The following FBXO25 variants were observed in gnomAD, a reference collection of about 807,000 sequenced individuals.
FBXO25 encodes the protein F-box only protein 25.
A neutral mutation model predicts 51.9 loss-of-function variants in FBXO25; 45 were observed. That is an observed-to-expected ratio of 0.87 (90% CI 0.68 to 1.11). The LOEUF is 1.11. Ranked by LOEUF, FBXO25 falls within the 50% of genes most tolerant of loss-of-function variation. FBXO25 has a pLI of 0.00. For synonymous variants in FBXO25, 199 were observed against 151.0 expected (o/e 1.32, Z -2.33); for missense variants, 507 against 428.5 (o/e 1.18, Z -1.62).
rs62483138 is a variant in FBXO25 at position 468,415 on chromosome 8, G to A, written c.988-300G>A. Among the ~76,000 whole-genome samples, 11 of 152,248 alleles carry A rather than the reference G, an allele frequency of 7.2e-5. No homozygotes were observed. In the South Asian group the frequency reaches 1.2e-3, roughly 17 times the overall value. Reference sequence around the variant, plus strand: ...CTTCTGTGGCCTTGTAGATTCCGGGGCAGTGCAGGGTGGTGTCAGCAGCTG... The same window carrying A: ...CTTCTGTGGCCTTGTAGATTCCGGGACAGTGCAGGGTGGTGTCAGCAGCTG... On this transcript the variant is annotated intron_variant, in intron 9 of 9. Transcript: ENST00000350302.
At chr8:433,525 A>G (rs1188372969) in intron 4 of FBXO25, among the ~76,000 whole-genome samples, 2 of 152,188 alleles carry the variant, frequency 1.3e-5, no homozygotes, top group Non-Finnish European at 2.9e-5. Context: ...GGGTTTGTGC[A>G]GAGCTGTGTG....
At chr8:442,764 C>G (rs577003968) in intron 5 of FBXO25, among the ~76,000 whole-genome samples, 1 of 152,200 alleles carries the variant, frequency 6.6e-6, no homozygotes, top group South Asian at 2.1e-4. Flanking sequence ...GCCACCCTGC[C>G]CAGCCTATTT....
chr8:423,968 T>C (rs530778606), intron 2 of FBXO25, among the ~76,000 whole-genome samples: 1 of 152,282 alleles, frequency 6.6e-6, no homozygotes, highest in South Asian at 2.1e-4. Context: ...GTCTTTGACT[T>C]TTTAGTAATG....
chr8:416,500 C>G (rs890588560), intron 2 of FBXO25, among the ~76,000 whole-genome samples: 3 of 152,170 alleles, frequency 2.0e-5, no homozygotes, highest in African/African-American at 4.8e-5. Context: ...GTGTGTTGCC[C>G]TTTGCCTGTT....
intron 2 of FBXO25, among the ~76,000 whole-genome samples, chr8:417,810 G>T (rs1456310405): frequency 6.6e-6 from 1 of 152,100 alleles, no homozygotes; most frequent in Non-Finnish European, 1.5e-5. Context: ...TATTTGTCCA[G>T]GCTTCCACTG....
rs778112370 is a variant in FBXO25 at position 476,822 on chromosome 8, ATAATC to A, written c.*8019_*8023del. On this transcript the variant is annotated 3_prime_UTR_variant, in exon 10 of 10. Coordinates refer to ENST00000350302, the MANE Select transcript of FBXO25 (RefSeq NM_183420.2). ...CTCTGCTCTAATCTTTATTATTATT[ATAATC>A]ATCTCCATTCTGCTGGCTTTGGGTT... 6.3e-5 allele frequency: 9 copies of A among 142,078 alleles called. No individual in the cohort carries two copies. The highest frequency in any genetic ancestry group is 1.1e-4 in the Non-Finnish European group (7 of 66,578). The allele number at this position is 142,078 out of a possible 1,614,324, so 8.8% of individuals were successfully genotyped here.
At chr8:436,186 C>T (rs971372716) in intron 5 of FBXO25, among the ~76,000 whole-genome samples, 4 of 152,084 alleles carry the variant, frequency 2.6e-5, no homozygotes, top group Middle Eastern at 3.2e-3. Context: ...ATTAATGATA[C>T]CCTTTTGGAA....
intron 2 of FBXO25, among the ~76,000 whole-genome samples, chr8:422,941 T>C (rs191930444): frequency 6.6e-6 from 1 of 152,270 alleles, no homozygotes; most frequent in Admixed American, 6.5e-5. Flanking sequence ...TCTATTCTGC[T>C]GTATATGAAT....
intron 1 of FBXO25, chr8:407,425 G>A (rs915236639): frequency 5.1e-6 from 5 of 985,012 alleles, no homozygotes; most frequent in Non-Finnish European, 3.6e-6. Flanking sequence ...GTGGGGTCTG[G>A]GGGCGGCCGG....
chr8:470,229 A>T lies in FBXO25; in HGVS notation c.*1425A>T, dbSNP rs964672629. On this transcript the variant is annotated 3_prime_UTR_variant, in exon 10 of 10. Coordinates refer to ENST00000350302, the MANE Select transcript of FBXO25 (RefSeq NM_183420.2). Reference sequence around the variant, plus strand: ...TGTCTCGCCGTTAGCATCAATAACTATGATAAGCATCGTCACACAACAATG... The same window carrying T: ...TGTCTCGCCGTTAGCATCAATAACTTTGATAAGCATCGTCACACAACAATG... The T allele has an allele frequency of 1.3e-5, 2 of 152,216 alleles. No homozygotes were observed. The highest frequency in any genetic ancestry group is 2.9e-5 in the Non-Finnish European group (2 of 68,028). The allele number at this position is 152,216 out of a possible 1,614,324, so 9.4% of individuals were successfully genotyped here. A position where few individuals can be genotyped will look rare whatever the true frequency, so the allele number is the denominator to read the frequency against.
At chr8:417,985 G>T (rs186468395) in intron 2 of FBXO25, among the ~76,000 whole-genome samples, 46 of 152,170 alleles carry the variant, frequency 3.0e-4, no homozygotes, top group African/African-American at 1.1e-3. Flanking sequence ...CTGTAATTTT[G>T]TACCAGTTTA....
chr8:469,068 A>C lies in FBXO25; in HGVS notation c.*264A>C, dbSNP rs79240478. On this transcript the variant is annotated 3_prime_UTR_variant, in exon 10 of 10. Transcript: ENST00000350302. ...GAAATTTTGCGTACTCTCTCTCTCTATATATATAGTTCAAAAATACTTTAG... is the reference window on the plus strand; with the variant it reads ...GAAATTTTGCGTACTCTCTCTCTCTCTATATATAGTTCAAAAATACTTTAG... 171 of 324,806 alleles carry C rather than the reference A, an allele frequency of 5.3e-4. No homozygotes were observed. The highest frequency in any genetic ancestry group is 2.5e-3 in the East Asian group (47 of 18,878). The allele number at this position is 324,806 out of a possible 1,614,324, so 20.1% of individuals were successfully genotyped here. A position where few individuals can be genotyped will look rare whatever the true frequency, so the allele number is the denominator to read the frequency against.
In FBXO25 at chr8:458,371, A is replaced by G; in HGVS notation, c.663A>G (p.Gln221=). The change falls in exon 8 of 10, where the codon CAA becomes CAG. Residue 221 remains glutamine (Q), a splice_region_variant and synonymous_variant. Transcript: ENST00000350302. ...QQLQDLQMTK[Q]VNNGLTLSDL... The stretch of plus-strand genomic sequence containing the variant: ...TTGCTGTTGTGTTTTCCTTTCAGCA[A>G]GTGAACAATGGCCTCACCCTCAGTG... 1 of 1,612,756 alleles carries G rather than the reference A, an allele frequency of 6.2e-7. No individual in the cohort carries two copies. Among genetic ancestry groups the G allele is most frequent in the Non-Finnish European group, 8.5e-7 (1 of 1,179,408 alleles).
rs974287017 is a variant in FBXO25, at chr8:476,647, C to T, written c.*7843C>T. The T allele has an allele frequency of 6.6e-6, 1 of 152,108 alleles. No individual in the cohort carries two copies. Among genetic ancestry groups the T allele is most frequent in the Non-Finnish European group, 1.5e-5 (1 of 68,004 alleles). The allele number at this position is 152,108 out of a possible 1,614,324, so 9.4% of individuals were successfully genotyped here. On this transcript the variant is annotated 3_prime_UTR_variant, in exon 10 of 10. Transcript: ENST00000350302. Reference sequence around the variant, plus strand: ...TATCCAATTCTTTGATATGTAATTGCTCATAGTACTCTTAATCCTTTTTAT... The same window carrying T: ...TATCCAATTCTTTGATATGTAATTGTTCATAGTACTCTTAATCCTTTTTAT...
Position 470,903 on chromosome 8 carries a change from G to C in FBXO25, c.*2099G>C, listed in dbSNP as rs564673222. On this transcript the variant is annotated 3_prime_UTR_variant, in exon 10 of 10. Transcript: ENST00000350302. The stretch of plus-strand genomic sequence containing the variant: ...TGGTATTTGCCTGTTTTTTGGGGTG[G>C]ATGTCAGTCTTTTTTCATGTTAGTT... 3 of 152,170 alleles carry C rather than the reference G, an allele frequency of 2.0e-5. No individual in the cohort carries two copies. Among genetic ancestry groups the C allele is most frequent in the African/African-American group, 7.2e-5 (3 of 41,514 alleles). The allele number at this position is 152,170 out of a possible 1,614,324, so 9.4% of individuals were successfully genotyped here. A position where few individuals can be genotyped will look rare whatever the true frequency, so the allele number is the denominator to read the frequency against.
chr8:414,343 C>T (rs181056242), intron 2 of FBXO25, among the ~76,000 whole-genome samples: 19 of 152,132 alleles, frequency 1.2e-4, no homozygotes, highest in Admixed American at 1.0e-3. Context: ...ATTTTTATGG[C>T]AGTTTTTTTA....
At chr8:427,397 G>A (rs55837473) in intron 2 of FBXO25, among the ~76,000 whole-genome samples, 5,786 of 136,562 alleles carry the variant, frequency 0.042, 27 homozygotes, top group South Asian at 0.057. Context: ...TTGGCACTTA[G>A]AGTCATGGCA....
intron 7 of FBXO25, among the ~76,000 whole-genome samples, chr8:452,399 T>C (rs1484045277): frequency 6.6e-6 from 1 of 150,624 alleles, no homozygotes; most frequent in Non-Finnish European, 1.5e-5. Context: ...GGCTCTTCGC[T>C]GCCTCTTTTA....
rs972767272 is a variant in FBXO25 at position 468,815 on chromosome 8, T to G, written c.*11T>G. Reference sequence around the variant, plus strand: ...CTCTTCAAGTTTTAAGGGCTGCCCCTGCCATCCCTATTGGAGATTGTGAAT... The same window carrying G: ...CTCTTCAAGTTTTAAGGGCTGCCCCGGCCATCCCTATTGGAGATTGTGAAT... On this transcript the variant is annotated 3_prime_UTR_variant, in exon 10 of 10. Coordinates refer to ENST00000350302, the MANE Select transcript of FBXO25 (RefSeq NM_183420.2). 8.7e-6 allele frequency: 14 copies of G among 1,612,728 alleles called. No homozygotes were observed. Among genetic ancestry groups the G allele is most frequent in the Admixed American group, 1.7e-5 (1 of 59,948 alleles).
Sources: gnomAD v4.1 joint callset for allele counts (sites outside exome capture counted in the v4.1 genomes callset) on GRCh38, gnomAD v4.1.1 for gene constraint, MANE v1.5 for transcripts, NCBI Gene and HGNC (gene_info 2026-07-23, HGNC 2026-07-21) for gene names.